Variants in CDH18 observed in about 807,000 individuals in gnomAD.
The protein encoded by CDH18 is cadherin-18.
CDH18 carries 31 observed loss-of-function variants against 67.9 expected under a neutral mutation model. The ratio of observed to expected loss-of-function variants is 0.46; its 90% CI spans 0.34 to 0.62. The LOEUF (loss-of-function observed/expected upper bound fraction) is 0.62, where lower values mean the gene tolerates loss of function less well. Ranked by LOEUF, CDH18 falls within the 20% of genes least tolerant of loss-of-function variation. The pLI is 0.01. For missense variants in CDH18, 890 were observed against 975.5 expected (o/e 0.91, Z 1.17); for synonymous variants, 362 against 347.2 (o/e 1.04, Z -0.48).
At chr5:20,452,742 G>T (rs183687305) in intron 1 of CDH18, among the ~76,000 whole-genome samples, 1 of 151,812 alleles carries the variant, frequency 6.6e-6, no homozygotes, top group Non-Finnish European at 1.5e-5. Context: ...ACTTGCACAC[G>T]TACCCCTAAA....
At chr5:20,493,393 A>AAAAAAAT (rs1561061223) in intron 1 of CDH18, among the ~76,000 whole-genome samples, 22 of 117,704 alleles carry the variant, frequency 1.9e-4, no homozygotes, top group Admixed American at 3.2e-4. Context: ...AAAGCAAAGA[A>AAAAAAAT]TTTTTTGTTT....
In CDH18 at chr5:20,131,577, G is replaced by T. The variant is rs911405310; in HGVS notation, c.-518+123867C>A. 2.6e-5 allele frequency among the ~76,000 whole-genome samples: 4 copies of T among 152,084 alleles called. No homozygotes were observed. In the East Asian group the frequency reaches 7.7e-4, roughly 29 times the overall value. The stretch of plus-strand genomic sequence containing the variant: ...CCTAAAATGAACAATCCAGTCTATT[G>T]TGTATGTACATTTGTGTGTCTGTAT... On this transcript the variant is annotated intron_variant, in intron 2 of 14. Coordinates refer to the CDH18 transcript ENST00000507958.
chr5:20,072,310 A>T (rs1036675270), intron 2 of CDH18, among the ~76,000 whole-genome samples: 4 of 152,082 alleles, frequency 2.6e-5, no homozygotes, highest in African/African-American at 9.6e-5. Flanking sequence ...CTTTTGCCCA[A>T]CTAAAAGAGG....
At chr5:19,551,643 A>G (rs1168456519) in intron 8 of CDH18, among the ~76,000 whole-genome samples, 2 of 152,130 alleles carry the variant, frequency 1.3e-5, no homozygotes, top group African/African-American at 4.8e-5. Flanking sequence ...AAGGCTTCTC[A>G]GGAAGACGTT....
rs150874337 is a variant in CDH18 at position 19,706,144 on chromosome 5, A to C, written c.643+15203T>G. 1.6e-3 allele frequency among the ~76,000 whole-genome samples: 249 copies of C among 152,316 alleles called. 1 individual carries two copies. The highest frequency in any genetic ancestry group is 5.7e-3 in the African/African-American group (236 of 41,556). ...ATATGTGGTTCATTCCACACAATTA[A>C]CTGAAAATGCTCAGTTACGATTTCA... On this transcript the variant is annotated intron_variant, in intron 5 of 12. Coordinates refer to ENST00000382275, the MANE Select transcript of CDH18 (RefSeq NM_004934.5).
intron 2 of CDH18, among the ~76,000 whole-genome samples, chr5:20,080,637 AG>A (rs1744386265): frequency 6.6e-6 from 1 of 152,190 alleles, no homozygotes; most frequent in African/African-American, 2.4e-5. Context: ...CAGTATATTC[AG>A]TGTATCTGAG....
At chr5:19,586,571 G>A (rs1165009934) in intron 7 of CDH18, among the ~76,000 whole-genome samples, 3 of 152,140 alleles carry the variant, frequency 2.0e-5, no homozygotes, top group Non-Finnish European at 4.4e-5. Flanking sequence ...GTATTGCGTG[G>A]TGTATATGCA....
intron 10 of CDH18, among the ~76,000 whole-genome samples, chr5:19,510,812 A>ATT (rs34739655): frequency 0.054 from 7,810 of 144,074 alleles, 293 homozygotes; most frequent in African/African-American, 0.098. Flanking sequence ...AGGAGATCTG[A>ATT]TTTTTTTTTT....
At chr5:20,132,019 C>G (rs115057404) in intron 2 of CDH18, among the ~76,000 whole-genome samples, 1 of 152,034 alleles carries the variant, frequency 6.6e-6, no homozygotes, top group African/African-American at 2.4e-5. Context: ...TCCCAAGTAG[C>G]TGAGATTACA....
chr5:19,668,384 A>G (rs112498186), intron 5 of CDH18, among the ~76,000 whole-genome samples: 1 of 2,024 alleles, frequency 4.9e-4, no homozygotes, highest in Non-Finnish European at 5.3e-3. Flanking sequence ...TATTAGCATT[A>G]AAAAACAAAT....
At chr5:20,574,975 G>A (rs1027001492) in intron 1 of CDH18, among the ~76,000 whole-genome samples, 6 of 149,058 alleles carry the variant, frequency 4.0e-5, no homozygotes, top group Non-Finnish European at 7.4e-5. Flanking sequence ...TCTAAAGACA[G>A]ATTTAGAAAA....
chr5:20,149,972 A>C (rs1750973984), intron 2 of CDH18, among the ~76,000 whole-genome samples: 1 of 152,080 alleles, frequency 6.6e-6, no homozygotes, highest in Non-Finnish European at 1.5e-5. Flanking sequence ...AGAGTTGCCC[A>C]CACATGGAAT....
intron 3 of CDH18, among the ~76,000 whole-genome samples, chr5:19,805,926 T>C (rs1777988034): frequency 6.6e-6 from 1 of 152,198 alleles, no homozygotes; most frequent in East Asian, 1.9e-4. Flanking sequence ...CCCAAACACT[T>C]ATGGATAAAC....
At chr5:19,519,776 G>A (rs758432956) in intron 10 of CDH18, among the ~76,000 whole-genome samples, 1 of 152,082 alleles carries the variant, frequency 6.6e-6, no homozygotes, top group African/African-American at 2.4e-5. Context: ...AGAGATATGG[G>A]CAGCCTTGAG....
chr5:20,228,662 T>G (rs1001582658), intron 2 of CDH18, among the ~76,000 whole-genome samples: 1 of 152,062 alleles, frequency 6.6e-6, no homozygotes, highest in African/African-American at 2.4e-5. Flanking sequence ...TAATCTTGCC[T>G]TTTATGAGAT....
chr5:20,027,095 C>T (rs1738973190), intron 2 of CDH18, among the ~76,000 whole-genome samples: 1 of 151,470 alleles, frequency 6.6e-6, no homozygotes, highest in Non-Finnish European at 1.5e-5. Context: ...ATACTAATTA[C>T]CTTGTTGCTT....
At chr5:20,486,074 G>A (rs555864834) in intron 1 of CDH18, among the ~76,000 whole-genome samples, 5 of 152,264 alleles carry the variant, frequency 3.3e-5, no homozygotes, top group South Asian at 4.1e-4. Context: ...TACCAGCGTG[G>A]ATATAGAGAA....
Position 19,473,485 on chromosome 5 carries a change from G to T in CDH18, c.2114C>A (p.Ser705Tyr). The T allele has an allele frequency of 6.2e-7, 1 of 1,613,748 alleles. No homozygotes were observed. Among genetic ancestry groups the T allele is most frequent in the Middle Eastern group, 1.7e-4 (1 of 6,058 alleles). The change falls in exon 13 of 13, where the codon TCC (serine) becomes TAC (tyrosine). Residue 705 changes from serine (S) to tyrosine (Y), a missense_variant. By Grantham distance (144) the Ser-to-Tyr change is moderately radical. Around this residue, in one of 2 missense-constraint regions of CDH18, gnomAD observed 656 missense variants for 668.1 expected, o/e 0.98. Coordinates refer to ENST00000382275, the MANE Select transcript of CDH18 (RefSeq NM_004934.5). The stretch of plus-strand genomic sequence containing the variant: ...CTGAACATCTATGCTTTCCAGGGTG[G>T]ATGATGTCTGGTGTCTGGGAGTGAG... Reference protein sequence around the residue: ...VKLTPRHQTSSTLESIDVQEF... With the variant: ...VKLTPRHQTSYTLESIDVQEF...
chr5:20,206,606 A>G (rs767768809), intron 2 of CDH18, among the ~76,000 whole-genome samples: 1 of 151,982 alleles, frequency 6.6e-6, no homozygotes, highest in Non-Finnish European at 1.5e-5. Flanking sequence ...AATATTTTAC[A>G]AACCATTAAA....
Sources: allele counts gnomAD v4.1 joint callset (sites outside exome capture counted in the v4.1 genomes callset), GRCh38; gene constraint gnomAD v4.1.1; regional missense constraint gnomAD v4.1.1; transcripts MANE v1.5; gene names NCBI Gene and HGNC (gene_info 2026-07-23, HGNC 2026-07-21).